The following POLA1 variants were observed in gnomAD, a reference collection of about 807,000 sequenced individuals.
POLA1 encodes DNA polymerase alpha catalytic subunit.
In POLA1, 15 loss-of-function variants were observed where a neutral mutation model predicts 124.0. The ratio of observed to expected loss-of-function variants is 0.12; its 90% CI spans 0.08 to 0.19. The LOEUF (loss-of-function observed/expected upper bound fraction) is 0.19. Ranked by LOEUF, POLA1 falls within the 10% of genes least tolerant of loss-of-function variation. POLA1 has a pLI of 1.00. For missense variants in POLA1, 886 were observed against 1,103.4 expected (o/e 0.80, Z 2.79); for synonymous variants, 408 against 389.4 (o/e 1.05, Z -0.56).
At chrX:24,755,623 G>A (rs1003664878) in intron 26 of POLA1, among the ~76,000 whole-genome samples, 1 of 111,411 alleles carries the variant, frequency 9.0e-6, no homozygotes. Flanking sequence ...TCAGTCTGTG[G>A]CTTGTCCTTT....
intron 34 of POLA1, among the ~76,000 whole-genome samples, chrX:24,880,355 C>G (rs902629791): frequency 1.8e-5 from 2 of 111,938 alleles, no homozygotes; most frequent in Non-Finnish European, 1.9e-5. Context: ...TTACATTGAC[C>G]GATGAGGCAC....
At chrX:24,698,479 A>G (rs1051245073) in intron 1 of POLA1, among the ~76,000 whole-genome samples, 1 of 111,179 alleles carries the variant, frequency 9.0e-6, no homozygotes, top group Non-Finnish European at 1.9e-5. Context: ...TCCAGCCCTC[A>G]ATCTGTTCCT....
intron 35 of POLA1, among the ~76,000 whole-genome samples, chrX:24,909,764 T>C (rs1280676050): frequency 9.0e-6 from 1 of 110,997 alleles, no homozygotes; most frequent in Admixed American, 9.5e-5. Context: ...TTTTTCCAAT[T>C]CTGTGAAGAA....
intron 14 of POLA1, among the ~76,000 whole-genome samples, chrX:24,727,293 C>G (rs1231411487): frequency 9.0e-6 from 1 of 110,826 alleles, no homozygotes; most frequent in Non-Finnish European, 1.9e-5. Context: ...TGGGGTGCAT[C>G]CCTCATTATG....
At chrX:24,987,657 A>G (rs2048493750) in intron 36 of POLA1, among the ~76,000 whole-genome samples, 1 of 111,630 alleles carries the variant, frequency 9.0e-6, no homozygotes, top group Non-Finnish European at 1.9e-5. Flanking sequence ...GAGGTATGGC[A>G]TCTGTGGATC....
intron 32 of POLA1, among the ~76,000 whole-genome samples, chrX:24,828,909 A>G (rs2046216439): frequency 8.9e-6 from 1 of 111,970 alleles, no homozygotes; most frequent in Non-Finnish European, 1.9e-5. Context: ...CATAGTTAAG[A>G]TGATTTTTGT....
intron 26 of POLA1, among the ~76,000 whole-genome samples, chrX:24,798,133 G>A (rs765838650): frequency 3.7e-4 from 41 of 111,444 alleles, no homozygotes; most frequent in Non-Finnish European, 7.2e-4. Context: ...CCTTTATATT[G>A]CTTCTTCATA....
intron 35 of POLA1, among the ~76,000 whole-genome samples, chrX:24,893,129 T>A (rs1390736993): frequency 8.9e-6 from 1 of 111,820 alleles, no homozygotes; most frequent in Non-Finnish European, 1.9e-5. Context: ...GGAAGTTTCT[T>A]TTTTCAGAAG....
intron 34 of POLA1, among the ~76,000 whole-genome samples, chrX:24,848,208 C>T (rs990743221): frequency 2.7e-5 from 3 of 112,277 alleles, no homozygotes; most frequent in Non-Finnish European, 3.8e-5. Context: ...TTGTATTTTT[C>T]TCTTTTACTT....
intron 1 of POLA1, among the ~76,000 whole-genome samples, chrX:24,696,521 A>G (rs1928015235): frequency 8.9e-6 from 1 of 111,946 alleles, no homozygotes; most frequent in Non-Finnish European, 1.9e-5. Context: ...TTCTGATTTA[A>G]TGTCTGAGCA....
At chrX:24,810,949 T>G (rs761678417) in intron 28 of POLA1, 149 bp downstream of exon 28, 4 of 381,185 alleles carry the variant, frequency 1.0e-5, no homozygotes, top group Non-Finnish European at 1.8e-5. Flanking sequence ...TTTTCTGTCT[T>G]TCTTTATTAT....
At chrX:24,912,871 G>A (rs1202558132) in intron 35 of POLA1, among the ~76,000 whole-genome samples, 3 of 112,392 alleles carry the variant, frequency 2.7e-5, no homozygotes, top group East Asian at 2.8e-4. Flanking sequence ...AAAAGCTGGC[G>A]CAGATGCAAA....
At chrX:24,747,891 C>T (rs374818693) in intron 24 of POLA1, among the ~76,000 whole-genome samples, 50 of 110,832 alleles carry the variant, frequency 4.5e-4, no homozygotes, top group African/African-American at 1.1e-3. Flanking sequence ...CCCGCCACCG[C>T]GCCTGGCTAA....
chrX:24,836,310 T>C (rs1183684187), intron 32 of POLA1, among the ~76,000 whole-genome samples: 1 of 112,158 alleles, frequency 8.9e-6, no homozygotes, highest in African/African-American at 3.2e-5. Context: ...GTATTTTGAA[T>C]AGTGCTGCTT....
At chrX:24,910,946 A>C in intron 35 of POLA1, among the ~76,000 whole-genome samples, 1 of 112,483 alleles carries the variant, frequency 8.9e-6, no homozygotes. Context: ...TCAAGTGTAC[A>C]TGGAACATTC....
intron 35 of POLA1, among the ~76,000 whole-genome samples, chrX:24,913,483 G>C (rs914470496): frequency 2.9e-4 from 31 of 106,665 alleles, no homozygotes; most frequent in African/African-American, 1.0e-3. Flanking sequence ...AGGCCGAGGC[G>C]GGCAGATCAC....
Position 24,741,447 on chromosome X carries a change from T to C in POLA1, c.2289T>C (p.Cys763=), listed in dbSNP as rs144074224. 17 of 1,198,030 alleles carry C rather than the reference T, an allele frequency of 1.4e-5. No homozygotes were observed. The highest frequency in any genetic ancestry group is 1.1e-5 in the Non-Finnish European group (10 of 882,978). The change falls in exon 21 of 37, where the codon TGT becomes TGC. Residue 763 remains cysteine (C), a synonymous_variant. Coordinates refer to ENST00000379068, the MANE Select transcript of POLA1 (RefSeq NM_001330360.2). ...KDAKFILQIM[C]ELNVLPLALQ... ...CCAAGTTCATTTTGCAGATCATGTG[T>C]GAGCTAAATGTTCTTCCATTAGCAT... is the stretch of plus-strand genomic sequence containing the variant.
intron 36 of POLA1, among the ~76,000 whole-genome samples, chrX:24,946,107 A>G (rs2047957536): frequency 9.0e-6 from 1 of 111,151 alleles, no homozygotes; most frequent in Admixed American, 9.6e-5. Flanking sequence ...AGGAGACTGG[A>G]TAGGTAACTG....
intron 35 of POLA1, among the ~76,000 whole-genome samples, chrX:24,928,391 A>T (rs992886316): frequency 1.8e-5 from 2 of 112,097 alleles, no homozygotes; most frequent in African/African-American, 6.5e-5. Flanking sequence ...ATATTGACCC[A>T]GCGCTTATTA....
Sources: gnomAD v4.1 joint callset for allele counts (sites outside exome capture counted in the v4.1 genomes callset) on GRCh38, gnomAD v4.1.1 for gene constraint, MANE v1.5 for transcripts, NCBI Gene and HGNC (gene_info 2026-07-23, HGNC 2026-07-21) for gene names.